Variants in PRR33 observed in about 807,000 individuals in gnomAD.
PRR33 encodes proline-rich protein 33.
Under a neutral mutation model 0.5 loss-of-function variants are expected in PRR33, and 1 was observed. The ratio of observed to expected loss-of-function variants is 2.18; its 90% CI spans 0.77 to 10.34. PRR33 has a LOEUF of 10.34. Among genes scored for constraint, PRR33 ranks in the 30% most tolerant of loss-of-function variants. PRR33 has a pLI of 0.13. For synonymous variants in PRR33, 226 were observed against 110.0 expected, an observed-to-expected ratio of 2.06 and a Z score of -6.60; for missense variants, 552 against 251.8, an observed-to-expected ratio of 2.19 and a Z score of -8.07.
chr11:1,908,077 T>C, the PRR33 span, among the ~76,000 whole-genome samples: 7 of 152,290 alleles, frequency 4.6e-5, no homozygotes, highest in East Asian at 1.2e-3. Context: ...TTCAGTTTGC[T>C]CTCTGGGAAG....
At chr11:1,909,443 T>C in the PRR33 span, among the ~76,000 whole-genome samples, 1 of 152,028 alleles carries the variant, frequency 6.6e-6, no homozygotes, top group African/African-American at 2.4e-5. Context: ...AAACCCCATC[T>C]CTACTAAAAA....
At chr11:1,903,325 G>C in the PRR33 span, 1 of 146,668 alleles carries the variant, frequency 6.8e-6, no homozygotes, top group African/African-American at 2.5e-5. Flanking sequence ...GGAGCGGGGG[G>C]TGGGGGGCGG....
the PRR33 span, among the ~76,000 whole-genome samples, chr11:1,900,053 A>G: frequency 2.0e-5 from 3 of 150,894 alleles, no homozygotes; most frequent in African/African-American, 7.3e-5. Flanking sequence ...ATATATACAT[A>G]TATATATAAA....
chr11:1,897,156 C>G, the PRR33 span, among the ~76,000 whole-genome samples: 1 of 152,174 alleles, frequency 6.6e-6, no homozygotes, highest in Non-Finnish European at 1.5e-5. The surrounding 1 kb of genome is among the most constrained non-coding windows in gnomAD (Gnocchi z 4.0). Flanking sequence ...GTGAGTGGCA[C>G]AAGGGAAGGC....
At chr11:1,915,274 C>T in the PRR33 span, among the ~76,000 whole-genome samples, 1 of 142,866 alleles carries the variant, frequency 7.0e-6, no homozygotes, top group Non-Finnish European at 1.5e-5. Flanking sequence ...GGGATCACAT[C>T]CCTGGGGATG....
At chr11:1,907,116 T>A in the PRR33 span, among the ~76,000 whole-genome samples, 1 of 152,250 alleles carries the variant, frequency 6.6e-6, no homozygotes, top group Non-Finnish European at 1.5e-5. Flanking sequence ...GTGTATTTTG[T>A]CTGTTCTGTG....
At chr11:1,911,584 AT>A in the PRR33 span, among the ~76,000 whole-genome samples, 2 of 151,452 alleles carry the variant, frequency 1.3e-5, no homozygotes, top group African/African-American at 2.4e-5. Flanking sequence ...CGCCTGGCTA[AT>A]TTTTTTTGTA....
chr11:1,892,335 C>T (rs1004036634), upstream of PRR33: 5 of 152,264 alleles, frequency 3.3e-5, no homozygotes, highest in African/African-American at 1.2e-4. Context: ...AGTGGCCAGC[C>T]CATTCCCACA....
Position 1,889,595 on chromosome 11 carries a change from G to A in PRR33, c.990C>T (p.Pro330=), listed in dbSNP as rs1848903163. 4 of 613,224 alleles carry A rather than the reference G, an allele frequency of 6.5e-6. No homozygotes were observed. In the East Asian group the frequency reaches 1.1e-4, roughly 17 times the overall value. 38.0% of individuals were successfully genotyped at this position (613,224 alleles called of 1,614,324 possible). ...TGAGCCGGGGCTTGGGTGCAACTTT[G>A]GGGACAGGGCATGGGTGAGGGCCTG... The change falls in exon 1 of 1, where the codon CCC becomes CCT. Residue 330 remains proline, a synonymous_variant. Coordinates refer to ENST00000640310, the Ensembl canonical transcript of PRR33.
the PRR33 span, among the ~76,000 whole-genome samples, chr11:1,900,915 C>G: frequency 6.6e-6 from 1 of 152,200 alleles, no homozygotes; most frequent in African/African-American, 2.4e-5. Context: ...CTGGGAAAGG[C>G]TGTTATCGTC....
chr11:1,909,519 G>A, the PRR33 span, among the ~76,000 whole-genome samples: 1 of 152,238 alleles, frequency 6.6e-6, no homozygotes, highest in African/African-American at 2.4e-5. Flanking sequence ...ACTGAGGCAG[G>A]AGAATTGCTT....
At chr11:1,908,739 TC>T in the PRR33 span, among the ~76,000 whole-genome samples, 1 of 152,218 alleles carries the variant, frequency 6.6e-6, no homozygotes, top group Non-Finnish European at 1.5e-5. Context: ...CTGTTTTGGC[TC>T]CTCCTTTCCA....
the PRR33 span, among the ~76,000 whole-genome samples, chr11:1,912,859 G>A: frequency 1.3e-5 from 2 of 152,178 alleles, no homozygotes; most frequent in African/African-American, 4.8e-5. Context: ...TGCCCTCCTC[G>A]GCCTTCCCAA....
chr11:1,892,417 C>T (rs1849037982), upstream of PRR33: 1 of 152,262 alleles, frequency 6.6e-6, no homozygotes, highest in Non-Finnish European at 1.5e-5. Context: ...TATAAGACGC[C>T]AGGACATAAG....
upstream of PRR33, among the ~76,000 whole-genome samples, chr11:1,895,201 T>TG (rs1849110615): frequency 6.6e-6 from 1 of 152,094 alleles, no homozygotes; most frequent in African/African-American, 2.4e-5. Flanking sequence ...GGCGCCATCT[T>TG]GGCCCACTGC....
the PRR33 span, among the ~76,000 whole-genome samples, chr11:1,904,535 GA>G: frequency 5.6e-5 from 8 of 142,024 alleles, no homozygotes; most frequent in East Asian, 2.1e-4. Context: ...TCTCAAAAAA[GA>G]AAAAAAAAAG....
chr11:1,911,852 T>C, the PRR33 span, among the ~76,000 whole-genome samples: 1 of 152,078 alleles, frequency 6.6e-6, no homozygotes, highest in East Asian at 1.9e-4. Flanking sequence ...GATGTACAAC[T>C]ATTATTACAT....
chr11:1,889,409 G>A, exon 1 of PRR33: 1 of 684,088 alleles, frequency 1.5e-6, no homozygotes, highest in Non-Finnish European at 2.7e-6. Context: ...GGGAGGCGGG[G>A]GCCCGGGGTG....
At chr11:1,889,242 T>C in exon 1 of PRR33, 1 of 674,078 alleles carries the variant, frequency 1.5e-6, no homozygotes, top group Non-Finnish European at 2.8e-6. Context: ...CCGGGTGGCC[T>C]CCTGCAGCTT....
Sources: gnomAD v4.1 joint callset for allele counts (sites outside exome capture counted in the v4.1 genomes callset) on GRCh38, gnomAD v4.1.1 for gene constraint, Gnocchi (gnomAD v3.1) non-coding constraint, MANE v1.5 for transcripts, NCBI Gene and HGNC (gene_info 2026-07-23, HGNC 2026-07-21) for gene names.